Variants in STXBP4 observed in about 807,000 individuals in gnomAD.
STXBP4 encodes the protein syntaxin binding protein 4.
In STXBP4, 55 loss-of-function variants were observed where a neutral mutation model predicts 76.1. That is an observed-to-expected ratio of 0.72 (90% CI 0.58 to 0.91). STXBP4 has a LOEUF of 0.91. Among genes scored for constraint, STXBP4 ranks in the 40% least tolerant of loss-of-function variants. The pLI is 0.00. For synonymous variants in STXBP4, 201 were observed against 220.2 expected (o/e 0.91, Z 0.77); for missense variants, 618 against 636.9 (o/e 0.97, Z 0.32).
intron 16 of STXBP4, among the ~76,000 whole-genome samples, chr17:55,102,115 A>C (rs1370546442): frequency 1.3e-5 from 2 of 151,604 alleles, no homozygotes; most frequent in Non-Finnish European, 2.9e-5. Context: ...GTTACTAGCA[A>C]TTTGTGAACT....
rs368068334 is a variant in STXBP4, at chr17:54,986,407, G to A, written c.47+141G>A. On this transcript the variant is annotated intron_variant, in intron 3 of 17. Transcript: ENST00000376352. ...CAATGAGTAGTGAGTAAAGTAATAC[G>A]TTGAATTACCTTTCAATGTAAATCA... 14 of 604,686 alleles carry A rather than the reference G, an allele frequency of 2.3e-5. 1 individual carries two copies. Among genetic ancestry groups the A allele is most frequent in the South Asian group, 2.2e-4 (10 of 46,186 alleles). 37.5% of individuals were successfully genotyped at this position (604,686 alleles called of 1,614,324 possible).
At chr17:55,110,607 A>AT (rs1352658312) in intron 16 of STXBP4, among the ~76,000 whole-genome samples, 1 of 152,210 alleles carries the variant, frequency 6.6e-6, no homozygotes, top group African/African-American at 2.4e-5. Context: ...TTTTTCTGTA[A>AT]AGAACCAAGT....
the STXBP4 span, among the ~76,000 whole-genome samples, chr17:55,197,762 A>G: frequency 1.3e-5 from 2 of 152,044 alleles, no homozygotes; most frequent in African/African-American, 4.8e-5. Context: ...AAAGAAGAAA[A>G]AAGAAAAAAG....
At chr17:54,985,240 G>A (rs2077610389) in intron 1 of STXBP4, among the ~76,000 whole-genome samples, 1 of 152,178 alleles carries the variant, frequency 6.6e-6, no homozygotes, top group Non-Finnish European at 1.5e-5. Context: ...GAGGCTTGGA[G>A]AAGCCCAAAA....
intron 8 of STXBP4, among the ~76,000 whole-genome samples, chr17:55,011,509 T>TTTTTTTTC (rs984100037): frequency 1.3e-4 from 3 of 23,142 alleles, no homozygotes; most frequent in African/African-American, 3.1e-4. Context: ...TTTCTTTTTC[T>TTTTTTTTC]TTTTTTTTTT....
chr17:55,158,863 G>A (rs2145193467), intron 17 of STXBP4, among the ~76,000 whole-genome samples: 1 of 152,288 alleles, frequency 6.6e-6, no homozygotes, highest in African/African-American at 2.4e-5. Context: ...TAAGACCATG[G>A]GCACAGATTG....
At chr17:55,137,228 C>A (rs1374074984) in intron 16 of STXBP4, among the ~76,000 whole-genome samples, 2 of 151,102 alleles carry the variant, frequency 1.3e-5, no homozygotes, top group African/African-American at 4.9e-5. Flanking sequence ...TTTAACAAAG[C>A]CTTATTAATT....
chr17:55,029,279 A>T (rs374910585), intron 8 of STXBP4, among the ~76,000 whole-genome samples: 1 of 152,054 alleles, frequency 6.6e-6, no homozygotes, highest in African/African-American at 2.4e-5. Context: ...AAATGCACAA[A>T]ATAAGAGTAC....
intron 1 of STXBP4, among the ~76,000 whole-genome samples, chr17:54,982,363 G>A (rs2077562247): frequency 6.6e-6 from 1 of 152,076 alleles, no homozygotes; most frequent in Non-Finnish European, 1.5e-5. Flanking sequence ...TAAGTAAACA[G>A]ACTTATCAAA....
intron 16 of STXBP4, 95 bp downstream of exon 16, chr17:55,081,278 A>G (rs1338257031): frequency 2.0e-6 from 2 of 991,618 alleles, no homozygotes; most frequent in Non-Finnish European, 2.7e-6. Context: ...TGGCTTGCCT[A>G]CAGCAAAGTT....
chr17:55,107,163 A>G (rs1453282609), intron 16 of STXBP4, among the ~76,000 whole-genome samples: 1 of 151,902 alleles, frequency 6.6e-6, no homozygotes, highest in African/African-American at 2.4e-5. Context: ...TAATCTTGTC[A>G]TCATGCTTTA....
At chr17:55,034,848 G>A (rs1205074128) in intron 10 of STXBP4, among the ~76,000 whole-genome samples, 1 of 151,854 alleles carries the variant, frequency 6.6e-6, no homozygotes, top group African/African-American at 2.4e-5. Flanking sequence ...ATGTAAAATG[G>A]GATTGTGAAG....
At chr17:55,003,942 C>T (rs889666170) in intron 7 of STXBP4, among the ~76,000 whole-genome samples, 10 of 151,654 alleles carry the variant, frequency 6.6e-5, no homozygotes, top group South Asian at 2.1e-4. Flanking sequence ...GAGGCTGAGA[C>T]GGGCAGATCA....
intron 16 of STXBP4, among the ~76,000 whole-genome samples, chr17:55,134,927 G>A (rs536237517): frequency 1.1e-5 from 1 of 91,996 alleles, no homozygotes; most frequent in South Asian, 2.9e-4. Flanking sequence ...TCTAGGTCAT[G>A]GGATCAGAGT....
At chr17:55,130,358 A>G (rs2079961316) in intron 16 of STXBP4, among the ~76,000 whole-genome samples, 1 of 152,244 alleles carries the variant, frequency 6.6e-6, no homozygotes, top group Middle Eastern at 3.2e-3. Flanking sequence ...ATAAAAGTAT[A>G]AACAGTAGGT....
chr17:55,152,999 C>T (rs2080233163), intron 17 of STXBP4, among the ~76,000 whole-genome samples: 1 of 152,084 alleles, frequency 6.6e-6, no homozygotes, highest in Admixed American at 6.6e-5. Context: ...ATAACAGAGC[C>T]TCAGCGAGGA....
intron 16 of STXBP4, among the ~76,000 whole-genome samples, chr17:55,101,259 A>G (rs1598313231): frequency 6.6e-6 from 1 of 152,306 alleles, no homozygotes; most frequent in Middle Eastern, 3.4e-3. Context: ...TAAGGGATAC[A>G]AATTACATTC....
At chr17:55,098,477 G>A (rs779945997) in intron 16 of STXBP4, among the ~76,000 whole-genome samples, 1 of 152,126 alleles carries the variant, frequency 6.6e-6, no homozygotes, top group Non-Finnish European at 1.5e-5. Context: ...ATACCCAGTA[G>A]CTCTCTGCAA....
rs757380628 is a variant in STXBP4 at position 54,999,613 on chromosome 17, G to A, written c.288-19G>A. 3 of 1,602,038 alleles carry A rather than the reference G, an allele frequency of 1.9e-6. No homozygotes were observed. The African/African-American group carries it at 4.0e-5, about 22-fold the overall frequency. The stretch of plus-strand genomic sequence containing the variant: ...TATATTCATAGCATATCCATAAAGT[G>A]ATTTCTTTTTAGTACTAGGTTAGAA... On this transcript the variant is annotated intron_variant, in intron 5 of 17. Coordinates refer to ENST00000376352, the MANE Select transcript of STXBP4 (RefSeq NM_178509.6).
Sources: gnomAD v4.1 joint callset for allele counts (sites outside exome capture counted in the v4.1 genomes callset) on GRCh38, gnomAD v4.1.1 for gene constraint, MANE v1.5 for transcripts, NCBI Gene and HGNC (gene_info 2026-07-23, HGNC 2026-07-21) for gene names.